TMEM132C: variants seen among roughly 807,000 people sequenced by gnomAD.
TMEM132C encodes protein phosphatase 1, regulatory subunit 152.
In TMEM132C, 29 loss-of-function variants were observed where a neutral mutation model predicts 61.4. The ratio of observed to expected loss-of-function variants is 0.47; its 90% CI spans 0.35 to 0.64. TMEM132C has a LOEUF of 0.64. Among genes scored for constraint, TMEM132C ranks in the 30% least tolerant of loss-of-function variants. The pLI is 0.00. For synonymous variants in TMEM132C, 656 were observed against 633.1 expected (o/e 1.04, Z -0.54); for missense variants, 1,408 against 1,476.9 (o/e 0.95, Z 0.76).
rs1429846991 is a variant in TMEM132C, at chr12:128,697,416, G to T, written c.2121+1G>T. 5.9e-6 allele frequency: 9 copies of T among 1,529,944 alleles called. No homozygotes were observed. The highest frequency in any genetic ancestry group is 8.0e-6 in the Non-Finnish European group (9 of 1,130,454). The allele number at this position is 1,529,944 out of a possible 1,614,324, so 94.8% of individuals were successfully genotyped here. Reference sequence around the variant, plus strand: ...GGAGGTGCTGCGGACCCCCAAACAGGTAGGGGGCCAAATGCCAGAGGTTCA... The same window carrying T: ...GGAGGTGCTGCGGACCCCCAAACAGTTAGGGGGCCAAATGCCAGAGGTTCA... On this transcript the variant is annotated splice_donor_variant, in intron 8 of 8. Coordinates refer to ENST00000435159, the MANE Select transcript of TMEM132C (RefSeq NM_001136103.3). LOFTEE classifies it high-confidence loss of function.
intron 2 of TMEM132C, among the ~76,000 whole-genome samples, chr12:128,508,220 T>A (rs975627884): frequency 5.3e-5 from 8 of 152,164 alleles, no homozygotes; most frequent in Admixed American, 3.9e-4. Flanking sequence ...AAACCCCTTA[T>A]AAAACCATCA....
At chr12:128,511,163 G>A (rs888929099) in intron 2 of TMEM132C, among the ~76,000 whole-genome samples, 14 of 152,300 alleles carry the variant, frequency 9.2e-5, no homozygotes, top group Admixed American at 7.2e-4. Flanking sequence ...ATTCAGCCAC[G>A]CTGCAGTCCC....
chr12:128,557,424 G>T (rs1436214989), intron 3 of TMEM132C, among the ~76,000 whole-genome samples: 1 of 152,206 alleles, frequency 6.6e-6, no homozygotes, highest in African/African-American at 2.4e-5. Context: ...CCAGTAATTA[G>T]TTTTAGGGGA....
chr12:128,404,909 T>C (rs1040498227), intron 1 of TMEM132C: 1 of 152,066 alleles, frequency 6.6e-6, no homozygotes, highest in Non-Finnish European at 1.5e-5. Flanking sequence ...GGACACAATA[T>C]CCCCAACACT....
chr12:128,694,863 AG>A (rs998145249), intron 6 of TMEM132C, among the ~76,000 whole-genome samples: 4 of 152,222 alleles, frequency 2.6e-5, no homozygotes, highest in African/African-American at 4.8e-5. Flanking sequence ...CACATCCCTG[AG>A]GGGGAAGAAT....
intron 1 of TMEM132C, among the ~76,000 whole-genome samples, chr12:128,358,502 T>TGTGTGTGTGA (rs72240226): frequency 2.0e-5 from 3 of 151,380 alleles, no homozygotes; most frequent in African/African-American, 7.3e-5. Flanking sequence ...ATTGTGTGTG[T>TGTGTGTGTGA]GTGTGTGTGT....
chr12:128,469,345 T>TTC (rs1358204296), intron 2 of TMEM132C, among the ~76,000 whole-genome samples: 1 of 151,516 alleles, frequency 6.6e-6, no homozygotes, highest in East Asian at 1.9e-4. Context: ...TTTTTTTTTT[T>TTC]TGACAGGATC....
chr12:128,585,361 C>G (rs986888183), intron 3 of TMEM132C, among the ~76,000 whole-genome samples: 8 of 151,836 alleles, frequency 5.3e-5, no homozygotes, highest in African/African-American at 9.7e-5. Context: ...TATGACCCAG[C>G]CATTCTTGCA....
At chr12:128,659,060 CCT>C (rs1214249118) in intron 4 of TMEM132C, among the ~76,000 whole-genome samples, 1 of 152,194 alleles carries the variant, frequency 6.6e-6, no homozygotes, top group Non-Finnish European at 1.5e-5. Context: ...GAGGGCCCTT[CCT>C]GTTGGAAAAA....
At chr12:128,550,423 A>T (rs1874132615) in intron 3 of TMEM132C, among the ~76,000 whole-genome samples, 1 of 151,732 alleles carries the variant, frequency 6.6e-6, no homozygotes. Flanking sequence ...CTCTCAAGCG[A>T]TCCGCCAAGT....
At chr12:128,482,316 G>A (rs1439452738) in intron 2 of TMEM132C, among the ~76,000 whole-genome samples, 1 of 151,850 alleles carries the variant, frequency 6.6e-6, no homozygotes, top group African/African-American at 2.4e-5. Context: ...GGAATTCTAA[G>A]TAGGGGAGTA....
chr12:128,680,240 C>CAAA (rs1954623725), intron 5 of TMEM132C, among the ~76,000 whole-genome samples: 1 of 152,146 alleles, frequency 6.6e-6, no homozygotes, highest in Non-Finnish European at 1.5e-5. Context: ...GCAGGTACTA[C>CAAA]TCTAAGTCTT....
At chr12:128,344,881 G>A (rs1287763285) in intron 1 of TMEM132C, among the ~76,000 whole-genome samples, 3 of 150,324 alleles carry the variant, frequency 2.0e-5, no homozygotes, top group Non-Finnish European at 4.4e-5. Context: ...ACACATGCAG[G>A]TTCTGTTGAG....
chr12:128,420,975 G>A (rs1868966835), intron 2 of TMEM132C, among the ~76,000 whole-genome samples: 1 of 152,172 alleles, frequency 6.6e-6, no homozygotes, highest in Non-Finnish European at 1.5e-5. Flanking sequence ...CATGAGTCTC[G>A]CTGAAGTTTG....
intron 4 of TMEM132C, among the ~76,000 whole-genome samples, chr12:128,634,743 G>A (rs1321238404): frequency 1.3e-5 from 2 of 152,152 alleles, no homozygotes; most frequent in Non-Finnish European, 2.9e-5. Flanking sequence ...GCCATCTATA[G>A]GGTGTTCATT....
At chr12:128,589,498 C>T (rs1399785457) in intron 3 of TMEM132C, among the ~76,000 whole-genome samples, 1 of 151,952 alleles carries the variant, frequency 6.6e-6, no homozygotes, top group African/African-American at 2.4e-5. Flanking sequence ...ACAGCCTGCA[C>T]CTCCCCCTCC....
intron 1 of TMEM132C, among the ~76,000 whole-genome samples, chr12:128,292,952 GTA>G (rs5801790): frequency 0.26 from 39,373 of 150,610 alleles, 5,940 homozygotes; most frequent in Admixed American, 0.35. Flanking sequence ...GTAGGTATGT[GTA>G]TGTGTGTGTG....
intron 2 of TMEM132C, among the ~76,000 whole-genome samples, chr12:128,533,948 TAC>T (rs55794743): frequency 0.037 from 5,329 of 145,566 alleles, 200 homozygotes; most frequent in African/African-American, 0.098. Flanking sequence ...CATGCGCACA[TAC>T]ACACACACAC....
chr12:128,531,871 A>G (rs1294486270), intron 2 of TMEM132C, among the ~76,000 whole-genome samples: 1 of 152,214 alleles, frequency 6.6e-6, no homozygotes, highest in East Asian at 1.9e-4. Context: ...TACCCAGCCC[A>G]TAAAGCTGCT....
Sources: gnomAD v4.1 joint callset for allele counts (sites outside exome capture counted in the v4.1 genomes callset) on GRCh38, gnomAD v4.1.1 for gene constraint, MANE v1.5 for transcripts, NCBI Gene and HGNC (gene_info 2026-07-23, HGNC 2026-07-21) for gene names.